MEIS1: variants seen among roughly 807,000 people sequenced by gnomAD.
MEIS1 encodes the protein homeobox protein Meis1.
MEIS1 carries 5 observed loss-of-function variants against 50.8 expected under a neutral mutation model. The observed-to-expected ratio is 0.10, with a 90% confidence interval of 0.05 to 0.21. The LOEUF is 0.21. Among genes scored for constraint, MEIS1 ranks in the 10% least tolerant of loss-of-function variants. The pLI, the probability that MEIS1 is intolerant of heterozygous loss-of-function variation, is 1.00. For missense variants in MEIS1, 318 were observed against 517.3 expected (o/e 0.61, Z 3.74); for synonymous variants, 176 against 179.3 (o/e 0.98, Z 0.15).
intron 9 of MEIS1, among the ~76,000 whole-genome samples, chr2:66,554,331 T>C (rs1420421248): frequency 6.6e-6 from 1 of 152,200 alleles, no homozygotes; most frequent in Non-Finnish European, 1.5e-5. Flanking sequence ...TGTCTGTAAG[T>C]ATCTGGTCAG....
chr2:66,490,192 A>G (rs1673238792), intron 7 of MEIS1, among the ~76,000 whole-genome samples: 1 of 152,240 alleles, frequency 6.6e-6, no homozygotes, highest in African/African-American at 2.4e-5. Flanking sequence ...TTTATTTGTC[A>G]CTGAGACCAC....
At chr2:66,480,307 T>G (rs1672987144) in intron 7 of MEIS1, among the ~76,000 whole-genome samples, 1 of 152,230 alleles carries the variant, frequency 6.6e-6, no homozygotes, top group Non-Finnish European at 1.5e-5. Flanking sequence ...CCCTGGCTAC[T>G]CAGGATGAAA....
chr2:66,562,004 A>C (rs1426989900), intron 9 of MEIS1: 1 of 142,382 alleles, frequency 7.0e-6, no homozygotes, highest in Non-Finnish European at 1.5e-5. Context: ...AATTGAGTAA[A>C]GGTGAAAATG....
intron 8 of MEIS1, among the ~76,000 whole-genome samples, chr2:66,536,815 T>A (rs567233906): frequency 1.3e-5 from 2 of 152,360 alleles, no homozygotes; most frequent in East Asian, 3.9e-4. Flanking sequence ...AGCTGGTATC[T>A]TTGGGATGGA....
intron 6 of MEIS1, among the ~76,000 whole-genome samples, chr2:66,451,876 A>T (rs1400222735): frequency 2.0e-5 from 3 of 151,908 alleles, no homozygotes; most frequent in Non-Finnish European, 4.4e-5. Context: ...AAACTTTTCA[A>T]TATATAGCCT....
intron 6 of MEIS1, among the ~76,000 whole-genome samples, chr2:66,457,160 GAT>G (rs775297413): frequency 8.6e-6 from 1 of 116,354 alleles, no homozygotes; most frequent in Non-Finnish European, 1.7e-5. Context: ...GATTTCTAGG[GAT>G]TTTTTTTTTT....
At chr2:66,479,040 T>TGG (rs1170093332) in intron 7 of MEIS1, among the ~76,000 whole-genome samples, 3 of 152,358 alleles carry the variant, frequency 2.0e-5, no homozygotes, top group Admixed American at 2.0e-4. Context: ...AAATCATAAT[T>TGG]GTTATAACAA....
At chr2:66,452,367 A>T (rs1366399692) in intron 6 of MEIS1, among the ~76,000 whole-genome samples, 1 of 151,856 alleles carries the variant, frequency 6.6e-6, no homozygotes, top group African/African-American at 2.4e-5. Flanking sequence ...TTATACTATA[A>T]CTCTACAGAG....
intron 7 of MEIS1, among the ~76,000 whole-genome samples, chr2:66,500,437 T>A (rs1673523809): frequency 6.6e-6 from 1 of 152,092 alleles, no homozygotes; most frequent in Admixed American, 6.5e-5. Flanking sequence ...TTATTTATTT[T>A]TTATTGAGAT....
chr2:66,557,183 T>C (rs946655097), intron 9 of MEIS1, among the ~76,000 whole-genome samples: 2 of 152,144 alleles, frequency 1.3e-5, no homozygotes, highest in Admixed American at 6.5e-5. Context: ...ATACGACAGA[T>C]GAGGCTCAGG....
intron 8 of MEIS1, among the ~76,000 whole-genome samples, chr2:66,546,461 G>A (rs181467496): frequency 1.3e-4 from 20 of 152,292 alleles, no homozygotes; most frequent in African/African-American, 2.9e-4. Context: ...TATGAAAGGC[G>A]TCTGCTACAT....
intron 8 of MEIS1, among the ~76,000 whole-genome samples, chr2:66,516,727 G>A (rs572195995): frequency 4.1e-4 from 63 of 152,226 alleles, no homozygotes; most frequent in African/African-American, 1.5e-3. Context: ...AACACTATTA[G>A]ATGAAAAGTG....
chr2:66,471,880 C>T (rs1398397285), intron 7 of MEIS1, among the ~76,000 whole-genome samples: 2 of 152,006 alleles, frequency 1.3e-5, no homozygotes, highest in Non-Finnish European at 2.9e-5. Flanking sequence ...AAATATTTTC[C>T]AAAAATACAT....
At chr2:66,506,088 C>T (rs750806978) in intron 7 of MEIS1, among the ~76,000 whole-genome samples, 3 of 152,164 alleles carry the variant, frequency 2.0e-5, no homozygotes, top group Non-Finnish European at 4.4e-5. Context: ...ACTGGAGTAA[C>T]GCCAGGATTT....
intron 7 of MEIS1, among the ~76,000 whole-genome samples, chr2:66,496,862 T>C (rs757385901): frequency 5.3e-5 from 8 of 152,144 alleles, no homozygotes; most frequent in Non-Finnish European, 1.2e-4. Flanking sequence ...TTACAAAGCA[T>C]TGGAACTGGC....
intron 12 of MEIS1, chr2:66,570,701 A>G (rs1341245718): frequency 6.5e-6 from 1 of 152,716 alleles, no homozygotes; most frequent in African/African-American, 2.4e-5. Flanking sequence ...TTTTAGGTCC[A>G]ATTTTTCTTA....
rs1426064003 is a variant in MEIS1 at position 66,480,988 on chromosome 2, A to G, written c.742+16768A>G. 3.3e-5 allele frequency among the ~76,000 whole-genome samples: 5 copies of G among 152,058 alleles called. No homozygotes were observed. In the South Asian group the frequency reaches 6.2e-4, roughly 19 times the overall value. ...CCCTGCAACAGAAAGACTGTAGCCT[A>G]GAATCTCTGTTAAAAAAAAAAACAA... On this transcript the variant is annotated intron_variant, in intron 7 of 12. Transcript: ENST00000272369.
intron 9 of MEIS1, among the ~76,000 whole-genome samples, chr2:66,557,788 C>G (rs1558563213): frequency 6.6e-6 from 1 of 152,136 alleles, no homozygotes; most frequent in Non-Finnish European, 1.5e-5. Flanking sequence ...CAACAAAGAC[C>G]TGTCTTAGGT....
chr2:66,468,601 G>A (rs1293572724), intron 7 of MEIS1, among the ~76,000 whole-genome samples: 3 of 152,142 alleles, frequency 2.0e-5, no homozygotes, highest in African/African-American at 4.8e-5. Flanking sequence ...TTGAACCCAC[G>A]CAGTCTGACT....
Sources: allele counts gnomAD v4.1 joint callset (sites outside exome capture counted in the v4.1 genomes callset), GRCh38; gene constraint gnomAD v4.1.1; transcripts MANE v1.5; gene names NCBI Gene and HGNC (gene_info 2026-07-23, HGNC 2026-07-21).